UBE2H: variants seen among roughly 807,000 people sequenced by gnomAD.
UBE2H encodes the protein ubiquitin-conjugating enzyme E2 H.
In UBE2H, 3 loss-of-function variants were observed where a neutral mutation model predicts 29.0. That is an observed-to-expected ratio of 0.10 (90% confidence interval 0.05 to 0.27). The LOEUF is 0.27. UBE2H is among the 10% of genes least tolerant of loss of function. UBE2H has a pLI of 1.00. For missense variants in UBE2H, 68 were observed against 228.2 expected (o/e 0.30, Z 4.52); for synonymous variants, 69 against 82.9 (o/e 0.83, Z 0.91).
chr7:129,901,425 G>GGA (rs1268009661), intron 1 of UBE2H, among the ~76,000 whole-genome samples: 4 of 152,160 alleles, frequency 2.6e-5, no homozygotes, highest in Non-Finnish European at 5.9e-5. Context: ...AGCGCCACAG[G>GGA]GAGATGCTGG....
At chr7:129,923,860 T>TAGATACTCTCACTCC (rs2053086792) in intron 1 of UBE2H, among the ~76,000 whole-genome samples, 1 of 152,104 alleles carries the variant, frequency 6.6e-6, no homozygotes, top group African/African-American at 2.4e-5. Context: ...AGTGAACAAA[T>TAGATACTCTCACTCC]AGATACTCTC....
intron 1 of UBE2H, among the ~76,000 whole-genome samples, chr7:129,944,715 AACACACAC>A (rs57825154): frequency 0.014 from 2,087 of 144,048 alleles, 40 homozygotes; most frequent in African/African-American, 0.044. Context: ...ATGCGCTCAA[AACACACAC>A]ACACACACAC....
At chr7:129,867,723 C>CAAAAAAAAAAAAAAAAAAAAAA (rs1563027569) in intron 3 of UBE2H, among the ~76,000 whole-genome samples, 2 of 65,562 alleles carry the variant, frequency 3.1e-5, no homozygotes, top group East Asian at 4.4e-4. Context: ...AAAAAGAAAA[C>CAAAAAAAAAAAAAAAAAAAAAA]CAAAAAAAAA....
In UBE2H at chr7:129,831,510, CT is replaced by C. The variant is rs1019466750; in HGVS notation, c.*3426del. 2.0e-5 allele frequency: 3 copies of C among 152,138 alleles called. No homozygotes were observed. Among genetic ancestry groups the C allele is most frequent in the African/African-American group, 7.2e-5 (3 of 41,410 alleles). 9.4% of individuals were successfully genotyped at this position (152,138 alleles called of 1,614,324 possible). On this transcript the variant is annotated 3_prime_UTR_variant, in exon 7 of 7. Transcript: ENST00000355621. Reference sequence around the variant, plus strand: ...AATGCCAACTAGGACTTCAGGGGGCCTTTGGAGGGAAAAATTCCTTTGAGAG... The same window carrying C: ...AATGCCAACTAGGACTTCAGGGGGCCTTGGAGGGAAAAATTCCTTTGAGAG...
rs57825154 is a variant in UBE2H, at chr7:129,944,715, AACACACACACAC to A, written c.53+7776_53+7787del. Among the ~76,000 whole-genome samples the A allele has an allele frequency of 6.2e-3, 899 of 144,046 alleles. 3 individuals are homozygous for A. Among genetic ancestry groups the A allele is most frequent in the East Asian group, 0.018 (88 of 4,994 alleles). 94.5% of individuals were successfully genotyped at this position (144,046 alleles called of 152,430 possible). A position where few individuals can be genotyped will look rare whatever the true frequency, so the allele number is the denominator to read the frequency against. ...AACACACACGTGCGCATGCGCTCAA[AACACACACACAC>A]ACACACACACACACACACACACACG... On this transcript the variant is annotated intron_variant, in intron 1 of 6. Transcript: ENST00000355621.
At chr7:129,918,281 T>C (rs890899009) in intron 1 of UBE2H, among the ~76,000 whole-genome samples, 1 of 152,156 alleles carries the variant, frequency 6.6e-6, no homozygotes, top group Non-Finnish European at 1.5e-5. Context: ...ATATCCATAC[T>C]TGCTACATAC....
chr7:129,920,257 C>T (rs1307594903), intron 1 of UBE2H, among the ~76,000 whole-genome samples: 2 of 151,996 alleles, frequency 1.3e-5, no homozygotes, highest in Non-Finnish European at 2.9e-5. Flanking sequence ...TAAACACACA[C>T]ATATTTTGGG....
chr7:129,840,350 C>A (rs1178637230), intron 5 of UBE2H, among the ~76,000 whole-genome samples: 5 of 151,902 alleles, frequency 3.3e-5, no homozygotes, highest in African/African-American at 1.2e-4. Context: ...CCATACCCAG[C>A]TAATTTTTTT....
intron 1 of UBE2H, among the ~76,000 whole-genome samples, chr7:129,945,994 C>A (rs1475582017): frequency 2.6e-5 from 4 of 151,928 alleles, no homozygotes; most frequent in African/African-American, 9.7e-5. Flanking sequence ...GATCTGCCCA[C>A]CTCAGCCTCC....
intron 5 of UBE2H, among the ~76,000 whole-genome samples, chr7:129,842,341 A>T (rs1805443259): frequency 6.6e-6 from 1 of 151,598 alleles, no homozygotes; most frequent in Admixed American, 6.6e-5. Flanking sequence ...GCTGAGGCAG[A>T]ATTGCTTGAA....
intron 1 of UBE2H, among the ~76,000 whole-genome samples, chr7:129,948,410 A>G (rs62489381): frequency 0.13 from 19,517 of 152,258 alleles, 1,585 homozygotes; most frequent in East Asian, 0.3. Flanking sequence ...GGCCGTTTTA[A>G]TGTAAGACAC....
intron 3 of UBE2H, among the ~76,000 whole-genome samples, chr7:129,869,894 T>TC (rs148113690): frequency 0.016 from 2,364 of 152,162 alleles, 27 homozygotes; most frequent in Non-Finnish European, 0.025. Context: ...CCTACAATCT[T>TC]CCCTTCCCCT....
intron 1 of UBE2H, among the ~76,000 whole-genome samples, chr7:129,946,585 G>A (rs1807770691): frequency 6.6e-6 from 1 of 152,126 alleles, no homozygotes. Flanking sequence ...TAGACCCAAT[G>A]AATTAGAAAA....
At chr7:129,914,841 A>G (rs1460111380) in intron 1 of UBE2H, among the ~76,000 whole-genome samples, 1 of 152,230 alleles carries the variant, frequency 6.6e-6, no homozygotes, top group Non-Finnish European at 1.5e-5. Flanking sequence ...GGCATGAGAT[A>G]GGGGCCTAAG....
chr7:129,941,340 A>G (rs1258574210), intron 1 of UBE2H, among the ~76,000 whole-genome samples: 2 of 152,000 alleles, frequency 1.3e-5, no homozygotes, highest in African/African-American at 4.8e-5. Flanking sequence ...TATGTTGCCC[A>G]GGCTGGTTGG....
intron 1 of UBE2H, among the ~76,000 whole-genome samples, chr7:129,951,946 G>C (rs1807884596): frequency 1.3e-5 from 2 of 152,102 alleles, no homozygotes; most frequent in African/African-American, 2.4e-5. Context: ...AAAACACACA[G>C]AGCTCTTTCT....
chr7:129,917,241 C>T (rs1807064099), intron 1 of UBE2H, among the ~76,000 whole-genome samples: 1 of 152,200 alleles, frequency 6.6e-6, no homozygotes, highest in Non-Finnish European at 1.5e-5. Context: ...ATGTTGCCTA[C>T]AAATTCGAGA....
chr7:129,858,230 T>A (rs1261243722), intron 4 of UBE2H, among the ~76,000 whole-genome samples: 1 of 152,164 alleles, frequency 6.6e-6, no homozygotes, highest in East Asian at 1.9e-4. Context: ...ATATCCTTGT[T>A]AGGATAACTG....
intron 6 of UBE2H, among the ~76,000 whole-genome samples, chr7:129,836,128 G>A (rs1223641301): frequency 6.6e-6 from 1 of 152,176 alleles, no homozygotes; most frequent in African/African-American, 2.4e-5. Flanking sequence ...TGATTTTGAT[G>A]AGATTAAAGT....
Sources: allele counts gnomAD v4.1 joint callset (sites outside exome capture counted in the v4.1 genomes callset), GRCh38; gene constraint gnomAD v4.1.1; transcripts MANE v1.5; gene names NCBI Gene and HGNC (gene_info 2026-07-23, HGNC 2026-07-21).